Variants in CCSER2 observed in about 807,000 individuals in gnomAD.
The protein encoded by CCSER2 is serine-rich coiled-coil domain-containing protein 2.
CCSER2 carries 46 observed loss-of-function variants against 92.3 expected under a neutral mutation model. The observed-to-expected ratio is 0.50, with a 90% CI of 0.39 to 0.64. The LOEUF (loss-of-function observed/expected upper bound fraction) is 0.64. Among genes scored for constraint, CCSER2 ranks in the 30% least tolerant of loss-of-function variants. The pLI is 0.00. For missense variants in CCSER2, 1,244 were observed against 1,238.9 expected (o/e 1.00, Z -0.06); for synonymous variants, 433 against 431.4 (o/e 1.00, Z -0.04).
At chr10:84,419,013 C>A (rs1389537069) in intron 4 of CCSER2, among the ~76,000 whole-genome samples, 2 of 143,950 alleles carry the variant, frequency 1.4e-5, no homozygotes, top group Admixed American at 1.5e-4. Flanking sequence ...TAAGAACTAG[C>A]ACATTTTTTT....
At chr10:84,464,898 C>CATTATTT (rs1262324365) in intron 7 of CCSER2, among the ~76,000 whole-genome samples, 3 of 152,114 alleles carry the variant, frequency 2.0e-5, no homozygotes, top group Admixed American at 2.0e-4. Flanking sequence ...GGCAGAAAAG[C>CATTATTT]ATTATTTGCT....
chr10:84,376,610 G>T (rs998818086), intron 3 of CCSER2, among the ~76,000 whole-genome samples: 7 of 152,056 alleles, frequency 4.6e-5, no homozygotes, highest in Admixed American at 4.6e-4. Flanking sequence ...GGGCATTTAG[G>T]TTGGTTCCAG....
rs1211127277 is a variant in CCSER2, at chr10:84,435,320, G to C, written c.1869-3192G>C. ...TTGTTTCAGTTAGTGAACAAGACTT[G>C]TTGACTCTTCCTTAAAACATTTTAA... On this transcript the variant is annotated intron_variant, in intron 5 of 9. Transcript: ENST00000372088. Among the ~76,000 whole-genome samples, 3 of 152,272 alleles carry C rather than the reference G, an allele frequency of 2.0e-5. No individual in the cohort carries two copies. In the East Asian group the frequency reaches 5.8e-4, roughly 29 times the overall value.
At chr10:84,360,694 C>T (rs919885543) in intron 1 of CCSER2, among the ~76,000 whole-genome samples, 1 of 152,108 alleles carries the variant, frequency 6.6e-6, no homozygotes, top group African/African-American at 2.4e-5. Context: ...AATTCCAGAT[C>T]GGCAGAATCA....
At chr10:84,329,156 C>T (rs1178503399) in intron 1 of CCSER2, among the ~76,000 whole-genome samples, 5 of 152,116 alleles carry the variant, frequency 3.3e-5, no homozygotes, top group African/African-American at 1.2e-4. Flanking sequence ...GGGAAAGTAC[C>T]GGGGCTCCCC....
intron 9 of CCSER2, among the ~76,000 whole-genome samples, chr10:84,482,609 A>G (rs1847521841): frequency 6.6e-6 from 1 of 152,226 alleles, no homozygotes; most frequent in Non-Finnish European, 1.5e-5. Context: ...ATCTTATGAT[A>G]TGTACCTTTT....
At chr10:84,463,398 T>A (rs1846215682) in intron 6 of CCSER2, among the ~76,000 whole-genome samples, 1 of 152,222 alleles carries the variant, frequency 6.6e-6, no homozygotes, top group South Asian at 2.1e-4. Context: ...ATCATTCTTC[T>A]GATTTCTAAC....
intron 1 of CCSER2, among the ~76,000 whole-genome samples, chr10:84,361,726 C>T (rs1337859925): frequency 2.0e-5 from 3 of 151,834 alleles, no homozygotes; most frequent in African/African-American, 4.8e-5. Context: ...ACTGCAACCT[C>T]TGCGTTTTGG....
At chr10:84,372,507 T>A in intron 2 of CCSER2, 38 bp downstream of exon 2, 2 of 1,144,880 alleles carry the variant, frequency 1.7e-6, no homozygotes, top group Non-Finnish European at 2.5e-6. Context: ...TGCTTTCTTT[T>A]AAATAATATA....
In CCSER2 at chr10:84,518,004, GGTT is replaced by G. The variant is rs1393330726; in HGVS notation, c.*3738_*3740del. 1 of 152,164 alleles carries G rather than the reference GGTT, an allele frequency of 6.6e-6. No individual in the cohort carries two copies. The highest frequency in any genetic ancestry group is 1.9e-4 in the East Asian group (1 of 5,200). The allele number at this position is 152,164 out of a possible 1,614,324, so 9.4% of individuals were successfully genotyped here. ...TTTGTGTTTTTAAATTCGTTTGGGTGGTTATGTTTGCATGCTTAAGCACACATT... is the reference window on the plus strand; with the variant it reads ...TTTGTGTTTTTAAATTCGTTTGGGTGATGTTTGCATGCTTAAGCACACATT... On this transcript the variant is annotated 3_prime_UTR_variant, in exon 10 of 10. Transcript: ENST00000372088.
Position 84,513,720 on chromosome 10 carries a change from A to G in CCSER2, c.2597A>G (p.Asn866Ser). 2.6e-6 allele frequency: 4 copies of G among 1,538,350 alleles called. No individual in the cohort carries two copies. Among genetic ancestry groups the G allele is most frequent in the Non-Finnish European group, 2.6e-6 (3 of 1,147,208 alleles). ...PSEANLNITVNAQEPYHLANN... is the reference protein window; with the variant it reads ...PSEANLNITVSAQEPYHLANN... ...GAAGCAAACTTAAACATTACTGTAA[A>G]TGCTCAAGAGCCTTATCATTTGGCA... The change falls in exon 10 of 10, where the codon AAT (asparagine) becomes AGT (serine). Residue 866 changes from asparagine (N) to serine (S), a missense_variant. Asn to Ser is a conservative substitution (Grantham distance 46). Transcript: ENST00000372088.
chr10:84,511,848 GTTCA>G (rs1849364012), intron 9 of CCSER2, among the ~76,000 whole-genome samples: 1 of 152,156 alleles, frequency 6.6e-6, no homozygotes, highest in Admixed American at 6.6e-5. Context: ...TTGCGGGACA[GTTCA>G]TTCATTTTTG....
intron 7 of CCSER2, among the ~76,000 whole-genome samples, chr10:84,468,154 G>A (rs1399535948): frequency 6.6e-6 from 1 of 152,132 alleles, no homozygotes; most frequent in African/African-American, 2.4e-5. Context: ...CTCCAGACGT[G>A]CTATGCTTTC....
chr10:84,504,591 T>G (rs1185392730), intron 9 of CCSER2, among the ~76,000 whole-genome samples: 1 of 152,222 alleles, frequency 6.6e-6, no homozygotes, highest in Admixed American at 6.5e-5. Flanking sequence ...TACAGTTGGA[T>G]AATCTTTCTA....
At chr10:84,505,475 G>A (rs1490872017) in intron 9 of CCSER2, among the ~76,000 whole-genome samples, 2 of 152,096 alleles carry the variant, frequency 1.3e-5, no homozygotes, top group African/African-American at 4.8e-5. Flanking sequence ...TGACTCTAAT[G>A]TGTGACTATA....
intron 1 of CCSER2, among the ~76,000 whole-genome samples, chr10:84,354,643 CACTTGTTTTTGGTGGGAAATTTG>C (rs1564591876): frequency 1.4e-5 from 2 of 147,178 alleles, no homozygotes; most frequent in African/African-American, 5.0e-5. Flanking sequence ...CAGGTGACCT[CACTTGTTTTTGGTGGGAAATTTG>C]ACCATCGTTC....
intron 6 of CCSER2, among the ~76,000 whole-genome samples, chr10:84,456,421 T>A (rs1489369384): frequency 6.6e-6 from 1 of 152,178 alleles, no homozygotes; most frequent in East Asian, 1.9e-4. Context: ...AGGAATTCGT[T>A]TCTGTATATT....
chr10:84,390,011 C>T (rs539729949), intron 3 of CCSER2, among the ~76,000 whole-genome samples: 20 of 152,086 alleles, frequency 1.3e-4, no homozygotes, highest in Non-Finnish European at 2.2e-4. Context: ...TAGATGTGCT[C>T]ACTGCTATTG....
At position 84,425,799 on chromosome 10, in the gene CCSER2, T is replaced by C. The variant is rs374305577; in HGVS notation, c.1774T>C (p.Trp592Arg). 1.9e-6 allele frequency: 3 copies of C among 1,613,668 alleles called. No homozygotes were observed. Among genetic ancestry groups the C allele is most frequent in the Non-Finnish European group, 2.5e-6 (3 of 1,179,810 alleles). Residue 592 changes from tryptophan (W) to arginine (R), a missense_variant, in exon 5 of 10, where the codon TGG becomes CGG. Trp to Arg is a moderately radical substitution (Grantham distance 101). Coordinates refer to ENST00000372088, the MANE Select transcript of CCSER2 (RefSeq NM_001284240.2). ...TGTTCGGCAGCCTCAGGAAGGTTTT[T>C]GGAAAAGGCCACCCCAGAGGTGGAG... ...RNVRQPQEGF[W>R]KRPPQRWSGQ...
Sources: gnomAD v4.1 joint callset for allele counts (sites outside exome capture counted in the v4.1 genomes callset) on GRCh38, gnomAD v4.1.1 for gene constraint, MANE v1.5 for transcripts, NCBI Gene and HGNC (gene_info 2026-07-23, HGNC 2026-07-21) for gene names.